The following ANAPC13 variants were observed in gnomAD, a reference collection of about 807,000 sequenced individuals.
ANAPC13 encodes the protein anaphase promoting complex subunit 13.
ANAPC13 carries 9 observed loss-of-function variants against 9.6 expected under a neutral mutation model. That is an observed-to-expected ratio of 0.94 (90% CI 0.57 to 1.64). The LOEUF (loss-of-function observed/expected upper bound fraction) is 1.64. Ranked by LOEUF, ANAPC13 falls within the 40% of genes most tolerant of loss-of-function variation. ANAPC13 has a pLI of 0.00. For synonymous variants in ANAPC13, 30 were observed against 29.7 expected, an observed-to-expected ratio of 1.01 and a Z score of -0.03; for missense variants, 75 against 85.3, an observed-to-expected ratio of 0.88 and a Z score of 0.48.
chr3:134,482,879 C>T lies in ANAPC13; in HGVS notation c.26G>A (p.Gly9Glu), dbSNP rs370027900. Residue 9 changes from glycine to glutamate, a missense_variant, in exon 2 of 3, where the codon GGA (glycine) becomes GAA (glutamate). Gly to Glu is a moderately conservative substitution (Grantham distance 98). Coordinates refer to ENST00000354910, the MANE Select transcript of ANAPC13 (RefSeq NM_015391.4). Reference sequence around the variant, plus strand: ...ATCATCAATCAAATCCAAGATCCTTCCATCTCTCTGAACCTCACTGTCCAT... The same window carrying T: ...ATCATCAATCAAATCCAAGATCCTTTCATCTCTCTGAACCTCACTGTCCAT... MDSEVQRD[G>E]RILDLIDDAW... 1 of 1,614,196 alleles carries T rather than the reference C, an allele frequency of 6.2e-7. No homozygotes were observed. Among genetic ancestry groups the T allele is most frequent in the Non-Finnish European group, 8.5e-7 (1 of 1,180,012 alleles).
At chr3:134,485,908 C>T in intron 1 of ANAPC13, 44 bp downstream of exon 1, 1 of 861,828 alleles carries the variant, frequency 1.2e-6, no homozygotes, top group Non-Finnish European at 1.4e-6. Context: ...CGAACGCATT[C>T]CCGCGCCTCC....
At chr3:134,482,631 AT>A in intron 2 of ANAPC13, 174 bp downstream of exon 2, 1 of 631,688 alleles carries the variant, frequency 1.6e-6, no homozygotes, top group Admixed American at 2.9e-5. Context: ...CCTGAACCAC[AT>A]TTTTCTTCAA....
rs753958208 is a variant in ANAPC13, at chr3:134,482,817, C to T, written c.88G>A (p.Ala30Thr). ...REDKLPYEDV[A>T]IPLNELPEPE... is the part of the protein sequence containing the mutation. ...AAATCATAACCTACCAGTGGTATTG[C>T]GACATCCTCATAAGGCAGCTTGTCT... Residue 30 changes from alanine (A) to threonine (T), a missense_variant, in exon 2 of 3, where the codon GCA (alanine) becomes ACA (threonine). By Grantham distance (58) the Ala-to-Thr change is moderately conservative. Coordinates refer to ENST00000354910, the MANE Select transcript of ANAPC13 (RefSeq NM_015391.4). 2.2e-5 allele frequency: 36 copies of T among 1,613,900 alleles called. 1 individual carries two copies. The highest frequency in any genetic ancestry group is 1.3e-4 in the Admixed American group (8 of 60,000).
chr3:134,478,612 T>A lies in ANAPC13; in HGVS notation c.203A>T (p.Asn68Ile), dbSNP rs772450733. The part of the protein sequence containing the change: ...TDLALQYLHE[N>I]VPPIGN ...GCGTCAGTTTCCAATGGGGGGAACA[T>A]TCTCATGGAGGTACTGTAAGGCTAA... The change falls in exon 3 of 3, where the codon AAT becomes ATT. Residue 68 changes from asparagine to isoleucine, a missense_variant. Physicochemically the swap from Asn to Ile is moderately radical, Grantham distance 149. Transcript: ENST00000354910. 1.7e-5 allele frequency: 27 copies of A among 1,613,772 alleles called. No homozygotes were observed. Among genetic ancestry groups the A allele is most frequent in the Non-Finnish European group, 2.2e-5 (26 of 1,179,974 alleles).
chr3:134,482,919 G>A lies in ANAPC13; in HGVS notation c.-15C>T, dbSNP rs1450611573. On this transcript the variant is annotated 5_prime_UTR_variant, in exon 2 of 3. Coordinates refer to ENST00000354910, the MANE Select transcript of ANAPC13 (RefSeq NM_015391.4). ...TCACTGTCCATTTTCCTGCAGCTTT[G>A]ATCTTGTCAAATCTGTAAGCCAAAG... 8 of 1,600,006 alleles carry A rather than the reference G, an allele frequency of 5.0e-6. No homozygotes were observed. Among genetic ancestry groups the A allele is most frequent in the African/African-American group, 2.7e-5 (2 of 74,598 alleles).
chr3:134,484,043 A>G (rs1375907398), intron 1 of ANAPC13, among the ~76,000 whole-genome samples: 1 of 152,212 alleles, frequency 6.6e-6, no homozygotes, highest in African/African-American at 2.4e-5. Context: ...TCCTGTGCCT[A>G]AGAACGCTGA....
chr3:134,478,822 A>G (rs1240297324), intron 2 of ANAPC13, 107 bp from the exon 3 acceptor site: 3 of 1,250,296 alleles, frequency 2.4e-6, no homozygotes, highest in Non-Finnish European at 2.3e-6. Flanking sequence ...CAGGCAACAT[A>G]ATTGATATGT....
intron 1 of ANAPC13, chr3:134,485,285 G>C (rs1165363229): frequency 6.6e-6 from 1 of 152,228 alleles, no homozygotes; most frequent in African/African-American, 2.4e-5. Flanking sequence ...CACCCAGTAC[G>C]ACCACTGTTT....
intron 2 of ANAPC13, among the ~76,000 whole-genome samples, chr3:134,481,574 A>G (rs1934736240): frequency 6.6e-6 from 1 of 152,248 alleles, no homozygotes; most frequent in South Asian, 2.1e-4. Flanking sequence ...AATATTTATT[A>G]TCACAATTAC....
intron 2 of ANAPC13, among the ~76,000 whole-genome samples, chr3:134,480,662 A>G (rs1378669780): frequency 1.3e-5 from 2 of 152,178 alleles, no homozygotes; most frequent in African/African-American, 2.4e-5. Flanking sequence ...ACCAGAGACC[A>G]TGGCATAGTC....
intron 2 of ANAPC13, among the ~76,000 whole-genome samples, chr3:134,482,171 C>T (rs1192909695): frequency 6.6e-6 from 1 of 152,174 alleles, no homozygotes; most frequent in Non-Finnish European, 1.5e-5. Flanking sequence ...AAAAACAGTC[C>T]TGTTTTCCCT....
chr3:134,479,138 A>T (rs747519236), intron 2 of ANAPC13, among the ~76,000 whole-genome samples: 3 of 152,188 alleles, frequency 2.0e-5, no homozygotes, highest in Non-Finnish European at 4.4e-5. Context: ...GGATTAGGTG[A>T]GGTAATTCAG....
chr3:134,480,909 C>T (rs1934719934), intron 2 of ANAPC13, among the ~76,000 whole-genome samples: 1 of 152,196 alleles, frequency 6.6e-6, no homozygotes, highest in Middle Eastern at 3.2e-3. Flanking sequence ...ACCTAACTGG[C>T]ATACACATTG....
At chr3:134,483,197 C>T (rs1934779051) in intron 1 of ANAPC13, 1 of 382,898 alleles carries the variant, frequency 2.6e-6, no homozygotes, top group African/African-American at 2.0e-5. Context: ...AAACGAGGCC[C>T]TCAAATATTA....
At position 134,478,686 on chromosome 3, in the gene ANAPC13, A is replaced by G. The variant is rs1008456402; in HGVS notation, c.129T>C (p.Asn43=). The G allele has an allele frequency of 1.2e-5, 20 of 1,614,038 alleles. No homozygotes were observed. Among genetic ancestry groups the G allele is most frequent in the Non-Finnish European group, 1.6e-5 (19 of 1,180,026 alleles). ...LNELPEPEQD[N]GGTTESVKEQ... is the part of the protein sequence containing the mutation. ...CTTTGACAGATTCTGTGGTGCCACC[A>G]TTGTCTTGTTCAGGTTCAGGAAGCT... is the stretch of plus-strand genomic sequence containing the variant. Residue 43 remains asparagine, a synonymous_variant, in exon 3 of 3, where the codon AAT becomes AAC. Transcript: ENST00000354910.
At position 134,478,141 on chromosome 3, in the gene ANAPC13, A is replaced by C. The variant is rs1425741147; in HGVS notation, c.*449T>G. On this transcript the variant is annotated 3_prime_UTR_variant, in exon 3 of 3. Coordinates refer to ENST00000354910, the MANE Select transcript of ANAPC13 (RefSeq NM_015391.4). The stretch of plus-strand genomic sequence containing the variant: ...GGGAATGGGATATTTGCATATCACA[A>C]CATCTACAGGCTAAATACACTCCGA... The C allele has an allele frequency of 6.5e-6, 1 of 153,280 alleles. No homozygotes were observed. The highest frequency in any genetic ancestry group is 1.5e-5 in the Non-Finnish European group (1 of 68,800). The allele number at this position is 153,280 out of a possible 1,614,324, so 9.5% of individuals were successfully genotyped here.
chr3:134,482,468 C>T (rs937416328), intron 2 of ANAPC13, among the ~76,000 whole-genome samples: 1 of 152,196 alleles, frequency 6.6e-6, no homozygotes, highest in Non-Finnish European at 1.5e-5. Flanking sequence ...AGAAACAGAG[C>T]TCATATGCTG....
intron 2 of ANAPC13, among the ~76,000 whole-genome samples, chr3:134,482,471 A>T (rs764364778): frequency 6.6e-6 from 1 of 152,252 alleles, no homozygotes; most frequent in Non-Finnish European, 1.5e-5. Flanking sequence ...AACAGAGCTC[A>T]TATGCTGCTG....
upstream of ANAPC13, chr3:134,485,991 GC>G (rs5852785): frequency 0.18 from 151,895 of 865,422 alleles, 13,542 homozygotes; most frequent in African/African-American, 0.21. Flanking sequence ...CTCCTGCCAC[GC>G]CCCCCCCCCC....
Sources: allele counts gnomAD v4.1 joint callset (sites outside exome capture counted in the v4.1 genomes callset), GRCh38; gene constraint gnomAD v4.1.1; transcripts MANE v1.5; gene names NCBI Gene and HGNC (gene_info 2026-07-23, HGNC 2026-07-21).